The following CYYR1 variants were observed in gnomAD, a reference collection of about 807,000 sequenced individuals.
CYYR1 encodes the protein cysteine and tyrosine-rich protein 1.
Under a neutral mutation model 15.2 loss-of-function variants are expected in CYYR1, and 14 were observed. That is an observed-to-expected ratio of 0.92 (90% CI 0.61 to 1.44). CYYR1 has a LOEUF of 1.44. Among genes scored for constraint, CYYR1 ranks in the 40% most tolerant of loss-of-function variants. The pLI is 0.00. For missense variants in CYYR1, 228 were observed against 209.5 expected, an observed-to-expected ratio of 1.09 and a Z score of -0.54; for synonymous variants, 80 against 77.4, an observed-to-expected ratio of 1.03 and a Z score of -0.18.
At position 26,468,512 on chromosome 21, in the gene CYYR1, C is replaced by A. The variant is rs145305731; in HGVS notation, c.457G>T (p.Ala153Ser). The change falls in exon 4 of 4, where the codon GCA (alanine) becomes TCA (serine). Residue 153 changes from alanine to serine, a missense_variant. By Grantham distance (99) the Ala-to-Ser change is moderately conservative. Coordinates refer to ENST00000652641, the MANE Select transcript of CYYR1 (RefSeq NM_001320768.2). ...TTCTGGGAGATAGATTATTTCCTTG[C>A]GTTTCCAGGATAAGGAGGGGGTGGA... Reference protein sequence around the residue: ...RSPPPPYPGNARK With the variant: ...RSPPPPYPGNSRK 5 of 1,578,952 alleles carry A rather than the reference C, an allele frequency of 3.2e-6. No homozygotes were observed. The highest frequency in any genetic ancestry group is 2.6e-6 in the Non-Finnish European group (3 of 1,148,104).
intron 3 of CYYR1, among the ~76,000 whole-genome samples, chr21:26,472,636 A>C (rs973753045): frequency 6.6e-6 from 1 of 152,118 alleles, no homozygotes; most frequent in Non-Finnish European, 1.5e-5. Context: ...ATAGTTTCTA[A>C]ATGAGGATCT....
chr21:26,469,319 AG>A (rs1200234558), intron 3 of CYYR1, among the ~76,000 whole-genome samples: 1 of 151,812 alleles, frequency 6.6e-6, no homozygotes, highest in Non-Finnish European at 1.5e-5. Context: ...CTATAATTGG[AG>A]GGGGGTGGAA....
chr21:26,476,926 A>G (rs535323962), intron 3 of CYYR1, among the ~76,000 whole-genome samples: 75 of 152,256 alleles, frequency 4.9e-4, no homozygotes, highest in African/African-American at 1.2e-3. Context: ...CTTCATGTGG[A>G]CAATTTAAAA....
At position 26,573,098 on chromosome 21, in the gene CYYR1, C is replaced by A. The variant is rs1246892759; in HGVS notation, c.-158G>T. On this transcript the variant is annotated 5_prime_UTR_variant, in exon 1 of 4. Coordinates refer to ENST00000652641, the MANE Select transcript of CYYR1 (RefSeq NM_001320768.2). ...AGGGAGCCTTCCAAGGGAGCCCGGG[C>A]CGGGCGCGTCCCGGGCCAGCGACTG... 2.0e-6 allele frequency: 3 copies of A among 1,521,766 alleles called. No individual in the cohort carries two copies. Among genetic ancestry groups the A allele is most frequent in the African/African-American group, 2.8e-5 (2 of 71,900 alleles). 94.3% of individuals were successfully genotyped at this position (1,521,766 alleles called of 1,614,324 possible).
intron 2 of CYYR1, among the ~76,000 whole-genome samples, chr21:26,528,392 A>C (rs1240130705): frequency 6.6e-6 from 1 of 152,058 alleles, no homozygotes; most frequent in Non-Finnish European, 1.5e-5. Flanking sequence ...TGCCACTCTC[A>C]TGGTAAGGAG....
intron 2 of CYYR1, among the ~76,000 whole-genome samples, chr21:26,519,783 G>A (rs919111103): frequency 6.6e-6 from 1 of 152,104 alleles, no homozygotes; most frequent in African/African-American, 2.4e-5. Flanking sequence ...CACTGTTGGT[G>A]GGGATGTAAA....
chr21:26,484,218 T>G lies in CYYR1; in HGVS notation c.177-3789A>C, dbSNP rs376100791. On this transcript the variant is annotated intron_variant, in intron 2 of 3. Transcript: ENST00000652641. ...ATGGGGACTACACAAAAGCCCAAGG[T>G]TGGTTCAGGTCAAGTCTGGCCACCA... 2.0e-5 allele frequency among the ~76,000 whole-genome samples: 3 copies of G among 152,152 alleles called. No individual in the cohort carries two copies. In the East Asian group the frequency reaches 5.8e-4, roughly 29 times the overall value.
At chr21:26,519,620 G>C (rs780852653) in intron 2 of CYYR1, among the ~76,000 whole-genome samples, 3 of 152,218 alleles carry the variant, frequency 2.0e-5, no homozygotes, top group Admixed American at 6.5e-5. Flanking sequence ...AGCGTTTTGA[G>C]CAGAGCAGTG....
At chr21:26,531,557 C>A (rs924944449) in intron 2 of CYYR1, among the ~76,000 whole-genome samples, 2 of 152,110 alleles carry the variant, frequency 1.3e-5, no homozygotes, top group African/African-American at 4.8e-5. Context: ...CCTGCTCCAA[C>A]ATGGGGAGTC....
At chr21:26,543,170 C>G (rs1460244076) in intron 2 of CYYR1, among the ~76,000 whole-genome samples, 1 of 152,104 alleles carries the variant, frequency 6.6e-6, no homozygotes, top group African/African-American at 2.4e-5. Context: ...GAACGGCACA[C>G]ACTGGAGTCT....
In CYYR1 at chr21:26,474,660, C is replaced by T. The variant is rs115279372; in HGVS notation, c.334+5612G>A. ...ATCGTTCTTGTGATTTCAACATCCA[C>T]CTAACCCTGCCTCTCAAGTCCCTTG... On this transcript the variant is annotated intron_variant, in intron 3 of 3. Coordinates refer to ENST00000652641, the MANE Select transcript of CYYR1 (RefSeq NM_001320768.2). 1.0e-2 allele frequency among the ~76,000 whole-genome samples: 1,518 copies of T among 152,236 alleles called. 31 individuals are homozygous for T. The highest frequency in any genetic ancestry group is 0.035 in the African/African-American group (1,457 of 41,546).
intron 2 of CYYR1, among the ~76,000 whole-genome samples, chr21:26,488,206 AG>A (rs2065276799): frequency 6.6e-6 from 1 of 151,978 alleles, no homozygotes; most frequent in South Asian, 2.1e-4. Flanking sequence ...AAGAAGTCTG[AG>A]GGTTGACTAA....
chr21:26,517,046 C>A (rs1340846441), intron 2 of CYYR1, among the ~76,000 whole-genome samples: 1 of 123,540 alleles, frequency 8.1e-6, no homozygotes, highest in Non-Finnish European at 1.6e-5. Flanking sequence ...ACCCGGGAGG[C>A]GGAGCTTGCA....
At chr21:26,508,911 G>A (rs2065606988) in intron 2 of CYYR1, among the ~76,000 whole-genome samples, 1 of 152,182 alleles carries the variant, frequency 6.6e-6, no homozygotes, top group Non-Finnish European at 1.5e-5. Context: ...ACGAGCATTG[G>A]TTTAGTGAGG....
intron 2 of CYYR1, among the ~76,000 whole-genome samples, chr21:26,528,045 T>C (rs1340645009): frequency 6.6e-6 from 1 of 152,090 alleles, no homozygotes; most frequent in Admixed American, 6.5e-5. Flanking sequence ...CTGGTAGAAA[T>C]CTTAGTCCAC....
At chr21:26,540,633 G>T (rs1468689881) in intron 2 of CYYR1, among the ~76,000 whole-genome samples, 1 of 152,090 alleles carries the variant, frequency 6.6e-6, no homozygotes, top group Non-Finnish European at 1.5e-5. Flanking sequence ...GTTACCCACT[G>T]CAGGAGTGAC....
chr21:26,549,393 C>T (rs1979217786), intron 2 of CYYR1, among the ~76,000 whole-genome samples: 1 of 152,152 alleles, frequency 6.6e-6, no homozygotes. Flanking sequence ...AAAGAGTGTT[C>T]ATTTTAATAT....
chr21:26,503,592 T>C (rs1240747733), intron 2 of CYYR1: 1 of 152,210 alleles, frequency 6.6e-6, no homozygotes, highest in Non-Finnish European at 1.5e-5. Flanking sequence ...AGTATCTGCC[T>C]GGAAACCCTG....
intron 2 of CYYR1, among the ~76,000 whole-genome samples, chr21:26,496,428 G>A (rs1240052146): frequency 1.3e-5 from 2 of 152,134 alleles, no homozygotes; most frequent in Admixed American, 1.3e-4. Context: ...CATCAACAGA[G>A]ATTATATGAA....
Sources: allele counts gnomAD v4.1 joint callset (sites outside exome capture counted in the v4.1 genomes callset), GRCh38; gene constraint gnomAD v4.1.1; transcripts MANE v1.5; gene names NCBI Gene and HGNC (gene_info 2026-07-23, HGNC 2026-07-21).